Variants in LRCH2 observed in about 807,000 individuals in gnomAD.
The protein encoded by LRCH2 is leucine-rich repeat and calponin homology domain-containing protein 2.
A neutral mutation model predicts 68.9 loss-of-function variants in LRCH2; 38 were observed. The ratio of observed to expected loss-of-function variants is 0.55; its 90% CI spans 0.43 to 0.72. The LOEUF (loss-of-function observed/expected upper bound fraction) is 0.72, where lower values mean the gene tolerates loss of function less well. LRCH2 is among the 30% of genes least tolerant of loss of function. The probability of loss-of-function intolerance (pLI) is 0.00; values close to 1 mark genes in which losing one functional copy is unlikely to be tolerated. For synonymous variants in LRCH2, 191 were observed against 208.1 expected (o/e 0.92, Z 0.71); for missense variants, 528 against 572.9 (o/e 0.92, Z 0.80).
intron 2 of LRCH2, 64 bp from the exon 3 acceptor site, chrX:115,184,601 G>A: frequency 1.1e-6 from 1 of 938,300 alleles, no homozygotes; most frequent in African/African-American, 2.0e-5. Flanking sequence ...TAAAAACGAA[G>A]AAATCACTTT....
rs183771431 is a variant in LRCH2, at chrX:115,192,951, G to A, written c.350-4581C>T. ...CCTTGTAAATGTTCCTGATAAATGA[G>A]GCAAACAGTTCTAAGATCTTTCATA... On this transcript the variant is annotated intron_variant, in intron 1 of 20. Transcript: ENST00000317135. 2.5e-4 allele frequency: 67 copies of A among 267,917 alleles called. 1 individual carries two copies. The East Asian group carries it at 3.4e-3, about 14-fold the overall frequency. The allele number at this position is 267,917 out of a possible 1,213,427, so 22.1% of individuals were successfully genotyped here.
At chrX:115,189,032 C>A (rs1199347693) in intron 1 of LRCH2, among the ~76,000 whole-genome samples, 5 of 111,500 alleles carry the variant, frequency 4.5e-5, no homozygotes, top group Non-Finnish European at 9.4e-5. Flanking sequence ...CAGCCAAACT[C>A]ACATAAACCC....
chrX:115,138,272 G>C (rs782608598), intron 14 of LRCH2, among the ~76,000 whole-genome samples: 5 of 111,614 alleles, frequency 4.5e-5, no homozygotes, highest in African/African-American at 1.6e-4. Flanking sequence ...GAGAAGGAAT[G>C]TCATAGAGAG....
rs782356841 is a variant in LRCH2 at position 115,136,198 on chromosome X, G to C, written c.1696-5999C>G. On this transcript the variant is annotated intron_variant, in intron 14 of 20. Coordinates refer to ENST00000317135, the MANE Select transcript of LRCH2 (RefSeq NM_020871.4). ...TTAATAGGTATCCAAGTAAGGACTG[G>C]AACACAAGTGGTTTGATTCTATAAG... 1.3e-3 allele frequency among the ~76,000 whole-genome samples: 144 copies of C among 111,566 alleles called. 1 individual carries two copies. The highest frequency in any genetic ancestry group is 4.3e-3 in the African/African-American group (133 of 30,710).
chrX:115,119,038 T>G (rs1364609366), intron 20 of LRCH2, among the ~76,000 whole-genome samples: 3 of 111,408 alleles, frequency 2.7e-5, no homozygotes, highest in Admixed American at 1.9e-4. Context: ...AAGAGCTATC[T>G]ATGACAAACC....
At chrX:115,182,863 T>TA (rs2147408507) in intron 3 of LRCH2, among the ~76,000 whole-genome samples, 1 of 94,680 alleles carries the variant, frequency 1.1e-5, no homozygotes, top group African/African-American at 3.9e-5. Flanking sequence ...AAGAGTTTGG[T>TA]AAAATGGAGT....
chrX:115,117,237 G>A (rs1603015975), intron 20 of LRCH2, among the ~76,000 whole-genome samples: 1 of 111,505 alleles, frequency 9.0e-6, no homozygotes, highest in East Asian at 2.8e-4. Flanking sequence ...AAACTGCACT[G>A]GCAAGTCAGT....
chrX:115,152,429 G>A (rs2072439334), intron 12 of LRCH2, among the ~76,000 whole-genome samples: 1 of 111,869 alleles, frequency 8.9e-6, no homozygotes, highest in South Asian at 3.7e-4. Context: ...GGAAAAGACT[G>A]AACATGTTAA....
chrX:115,174,205 C>T (rs2072627018), intron 5 of LRCH2, among the ~76,000 whole-genome samples: 1 of 111,517 alleles, frequency 9.0e-6, no homozygotes, highest in Non-Finnish European at 1.9e-5. Context: ...CATGTAGTTA[C>T]CTTGTTTGTG....
At position 115,213,710 on chromosome X, in the gene LRCH2, A is replaced by T. The variant is rs1461075959; in HGVS notation, c.349+19983T>A. 6.2e-5 allele frequency among the ~76,000 whole-genome samples: 7 copies of T among 112,003 alleles called. No individual in the cohort carries two copies. In the East Asian group the frequency reaches 2.0e-3, roughly 31 times the overall value. On this transcript the variant is annotated intron_variant, in intron 1 of 20. Coordinates refer to ENST00000317135, the MANE Select transcript of LRCH2 (RefSeq NM_020871.4). ...CTTGGGGCTAGACCAATACAGCATCATCCTTGGGGTATGTCTCAAAGTTCA... is the reference window on the plus strand; with the variant it reads ...CTTGGGGCTAGACCAATACAGCATCTTCCTTGGGGTATGTCTCAAAGTTCA...
At chrX:115,123,909 T>C in intron 17 of LRCH2, 36 bp downstream of exon 17, 1 of 911,704 alleles carries the variant, frequency 1.1e-6, no homozygotes. Context: ...GTTTCATATA[T>C]AACTAATAAA....
chrX:115,174,109 CT>C (rs1188015119), intron 5 of LRCH2, among the ~76,000 whole-genome samples: 13 of 110,879 alleles, frequency 1.2e-4, no homozygotes, highest in Admixed American at 9.6e-4. Flanking sequence ...TTCGATGCCC[CT>C]AACCCTCATG....
chrX:115,165,767 T>C (rs907201504), intron 8 of LRCH2, 74 bp downstream of exon 8: 8 of 956,693 alleles, frequency 8.4e-6, no homozygotes, highest in East Asian at 3.4e-5. Context: ...CTAAAGACAA[T>C]ATAATTTTTC....
intron 1 of LRCH2, chrX:115,191,056 AAC>A: frequency 8.6e-7 from 1 of 1,161,342 alleles, no homozygotes; most frequent in South Asian, 1.9e-5. Context: ...CAGTTCCAGC[AAC>A]AGTTACGGCC....
chrX:115,130,141 T>C lies in LRCH2; in HGVS notation c.1740+14A>G, dbSNP rs181412329. The C allele has an allele frequency of 1.9e-3, 1,885 of 972,735 alleles. 41 individuals are homozygous for C. The Admixed American group carries it at 0.051, about 26-fold the overall frequency. The allele number at this position is 972,735 out of a possible 1,213,427, so 80.2% of individuals were successfully genotyped here. On this transcript the variant is annotated intron_variant, in intron 15 of 20. Coordinates refer to ENST00000317135, the MANE Select transcript of LRCH2 (RefSeq NM_020871.4). Reference sequence around the variant, plus strand: ...TAAACATTTCAAATAATTATTAATATTATCTTTTCTCACCTCATCATTTTC... The same window carrying C: ...TAAACATTTCAAATAATTATTAATACTATCTTTTCTCACCTCATCATTTTC...
intron 1 of LRCH2, chrX:115,192,382 G>C (rs1294059762): frequency 1.7e-5 from 20 of 1,158,266 alleles, no homozygotes; most frequent in Non-Finnish European, 2.3e-5. Flanking sequence ...CGGAGGAGGA[G>C]GCCACTACGA....
intron 14 of LRCH2, among the ~76,000 whole-genome samples, chrX:115,146,567 A>T (rs949250467): frequency 2.9e-5 from 3 of 102,039 alleles, no homozygotes; most frequent in Admixed American, 1.0e-4. Context: ...GCCAAAAATT[A>T]AAAATTTAAA....
chrX:115,175,363 C>A (rs1556549843), intron 5 of LRCH2, among the ~76,000 whole-genome samples: 3 of 111,511 alleles, frequency 2.7e-5, no homozygotes, highest in Non-Finnish European at 5.6e-5. Context: ...ATCTAACCTT[C>A]CCCTACCTTT....
rs1044392512 is a variant in LRCH2 at position 115,170,566 on chromosome X, T to C, written c.865-134A>G. 2.1e-5 allele frequency: 13 copies of C among 627,046 alleles called. No homozygotes were observed. In the African/African-American group the frequency reaches 2.3e-4, roughly 11 times the overall value. 51.7% of individuals were successfully genotyped at this position (627,046 alleles called of 1,213,427 possible). A position where few individuals can be genotyped will look rare whatever the true frequency, so the allele number is the denominator to read the frequency against. On this transcript the variant is annotated intron_variant, in intron 5 of 20. Coordinates refer to ENST00000317135, the MANE Select transcript of LRCH2 (RefSeq NM_020871.4). ...TTGATACTTTGCATATTTAAATAAT[T>C]TGTACTTCTGACACCAGGTGGAAAA...
Sources: gnomAD v4.1 joint callset for allele counts (sites outside exome capture counted in the v4.1 genomes callset) on GRCh38, gnomAD v4.1.1 for gene constraint, MANE v1.5 for transcripts, NCBI Gene and HGNC (gene_info 2026-07-23, HGNC 2026-07-21) for gene names.